PPFIA3: variants seen among roughly 807,000 people sequenced by gnomAD.
PPFIA3 encodes PPFI scaffold protein A3, also known as liprin-alpha-3.
In PPFIA3, 26 loss-of-function variants were observed where a neutral mutation model predicts 145.8. The ratio of observed to expected loss-of-function variants is 0.18; its 90% CI spans 0.13 to 0.25. PPFIA3 has a LOEUF of 0.25. PPFIA3 is among the 10% of genes least tolerant of loss of function. The pLI is 1.00. For missense variants in PPFIA3, 1,008 were observed against 1,587.8 expected (o/e 0.63, Z 6.21); for synonymous variants, 645 against 661.4 (o/e 0.98, Z 0.38).
At chr19:49,131,028 ATTTTTT>A (rs33934210) in intron 7 of PPFIA3, among the ~76,000 whole-genome samples, 1 of 134,360 alleles carries the variant, frequency 7.4e-6, no homozygotes, top group African/African-American at 2.8e-5. Context: ...TGCACCGCTA[ATTTTTT>A]TTTTTTTTTT....
At chr19:49,138,663 CT>C (rs2041171477) in intron 16 of PPFIA3, among the ~76,000 whole-genome samples, 1 of 151,380 alleles carries the variant, frequency 6.6e-6, no homozygotes, top group Non-Finnish European at 1.5e-5. Context: ...CGTCAAGTTT[CT>C]GCATAGGATT....
At position 49,120,232 on chromosome 19, in the gene PPFIA3, C is replaced by G. The variant is rs1008161777; in HGVS notation, c.-16+510C>G. On this transcript the variant is annotated intron_variant, in intron 1 of 29. Coordinates refer to ENST00000334186, the MANE Select transcript of PPFIA3 (RefSeq NM_003660.4). The surrounding 1 kb of genome is among the most constrained non-coding windows in gnomAD (Gnocchi z 4.6). The stretch of plus-strand genomic sequence containing the variant: ...CGCGCTCGGCAGCCTCGCCTCCCCC[C>G]ACCTCCTGCCGCCGCCACCAGGGAG... 6.6e-6 allele frequency among the ~76,000 whole-genome samples: 1 copy of G among 152,080 alleles called. No individual in the cohort carries two copies. The highest frequency in any genetic ancestry group is 2.4e-5 in the African/African-American group (1 of 41,420).
rs1037576734 is a variant in PPFIA3, at chr19:49,130,713, T to G, written c.879+114T>G. The G allele has an allele frequency of 4.5e-6, 4 of 881,210 alleles. No individual in the cohort carries two copies. The highest frequency in any genetic ancestry group is 5.1e-6 in the Non-Finnish European group (3 of 589,076). 54.6% of individuals were successfully genotyped at this position (881,210 alleles called of 1,614,324 possible). The stretch of plus-strand genomic sequence containing the variant: ...CGATTCAGTCCACAGGCTGGGTGAC[T>G]CCTCTTTGAGATTCAGTTTTCCCAC... On this transcript the variant is annotated intron_variant, in intron 7 of 29. Transcript: ENST00000334186. The surrounding 1 kb of genome is among the most constrained non-coding windows in gnomAD (Gnocchi z 4.5).
chr19:49,150,273 G>T lies in PPFIA3; in HGVS notation c.*51G>T. On this transcript the variant is annotated 3_prime_UTR_variant, in exon 30 of 30. Coordinates refer to ENST00000334186, the MANE Select transcript of PPFIA3 (RefSeq NM_003660.4). ...GGACGGAAGAATCTTCCCGAGGCTG[G>T]GCTGTTCCCTCTCCTGCCCGGACTG... 1 of 974,124 alleles carries T rather than the reference G, an allele frequency of 1.0e-6. No individual in the cohort carries two copies. The highest frequency in any genetic ancestry group is 1.5e-6 in the Non-Finnish European group (1 of 663,954). 60.3% of individuals were successfully genotyped at this position (974,124 alleles called of 1,614,324 possible). A position where few individuals can be genotyped will look rare whatever the true frequency, so the allele number is the denominator to read the frequency against.
rs2041045710 is a variant in PPFIA3 at position 49,129,686 on chromosome 19, C to G, written c.582+232C>G. Among the ~76,000 whole-genome samples, 3 of 152,126 alleles carry G rather than the reference C, an allele frequency of 2.0e-5. 1 individual carries two copies. In the South Asian group the frequency reaches 6.2e-4, roughly 31 times the overall value. On this transcript the variant is annotated intron_variant, in intron 5 of 29. Transcript: ENST00000334186. ...GTGAGAGTGAGATTAAGGGTAGAAC[C>G]AGGGGCTGGGGCTCAGGCTGGGACT...
At chr19:49,148,467 C>T in intron 24 of PPFIA3, 199 bp from the exon 25 acceptor site, 1 of 746,528 alleles carries the variant, frequency 1.3e-6, no homozygotes, top group Non-Finnish European at 2.1e-6. Flanking sequence ...CTAGTTAACC[C>T]TGGACCCCTT....
intron 16 of PPFIA3, 37 bp downstream of exon 16, chr19:49,138,464 ATGGGGAGAGGTCAGAG>A: frequency 1.0e-5 from 15 of 1,456,366 alleles, no homozygotes; most frequent in Non-Finnish European, 1.4e-5. Flanking sequence ...TAGTAGGGGG[ATGGGGAGAGGTCAGAG>A]GCAGGGCTCC....
chr19:49,137,659 G>A (rs1425793558), intron 15 of PPFIA3, among the ~76,000 whole-genome samples: 195 of 54,388 alleles, frequency 3.6e-3, no homozygotes, highest in Non-Finnish European at 5.5e-3. Context: ...AAAAAAAAAA[G>A]TCCCCAACTT....
chr19:49,130,092 G>A lies in PPFIA3; in HGVS notation c.657+25G>A, dbSNP rs750191261. ...GGTGAGACATGGAAGTCCCCTCTCC[G>A]TGAGCTCCATTCAACTCCCTGACTT... On this transcript the variant is annotated intron_variant, in intron 6 of 29. Transcript: ENST00000334186. The surrounding 1 kb of genome is among the most constrained non-coding windows in gnomAD (Gnocchi z 4.5). 3 of 1,599,340 alleles carry A rather than the reference G, an allele frequency of 1.9e-6. No homozygotes were observed. Among genetic ancestry groups the A allele is most frequent in the East Asian group, 2.2e-5 (1 of 44,732 alleles).
intron 18 of PPFIA3, 101 bp from the exon 19 acceptor site, chr19:49,141,319 C>A: frequency 1.2e-6 from 1 of 841,800 alleles, no homozygotes; most frequent in Non-Finnish European, 2.0e-6. Flanking sequence ...ACTACTCCCT[C>A]AGGGCCTCTG....
At position 49,120,817 on chromosome 19, in the gene PPFIA3, C is replaced by G. The variant is rs996032400; in HGVS notation, c.-16+1095C>G. Among the ~76,000 whole-genome samples the G allele has an allele frequency of 6.6e-6, 1 of 152,198 alleles. No homozygotes were observed. The highest frequency in any genetic ancestry group is 1.5e-5 in the Non-Finnish European group (1 of 68,038). ...AGGAGTTCAGACCCCAGCTTCCGTACTGCCCACCAGCTTTTACTGAGGCTG... is the reference window on the plus strand; with the variant it reads ...AGGAGTTCAGACCCCAGCTTCCGTAGTGCCCACCAGCTTTTACTGAGGCTG... On this transcript the variant is annotated intron_variant, in intron 1 of 29. Coordinates refer to ENST00000334186, the MANE Select transcript of PPFIA3 (RefSeq NM_003660.4). The surrounding 1 kb of genome is among the most constrained non-coding windows in gnomAD (Gnocchi z 4.6).
chr19:49,146,543 ACCAGGG>A, intron 23 of PPFIA3: 1 of 344,194 alleles, frequency 2.9e-6, no homozygotes, highest in Non-Finnish European at 5.4e-6. Flanking sequence ...TGCTCAGTGT[ACCAGGG>A]CCAAGGAGGA....
intron 25 of PPFIA3, 98 bp from the exon 26 acceptor site, chr19:49,148,895 G>A: frequency 6.4e-7 from 1 of 1,572,216 alleles, no homozygotes; most frequent in Non-Finnish European, 8.7e-7. Flanking sequence ...AGCGTGGGGG[G>A]CGTGGCCCGA....
Position 49,149,126 on chromosome 19 carries a change from C to T in PPFIA3, c.3243C>T (p.Ser1081=), listed in dbSNP as rs1568442811. 1 of 1,614,150 alleles carries T rather than the reference C, an allele frequency of 6.2e-7. No individual in the cohort carries two copies. Among genetic ancestry groups the T allele is most frequent in the Non-Finnish European group, 8.5e-7 (1 of 1,180,022 alleles). ...LLALDETFDY[S]DLALLLQIPT... The stretch of plus-strand genomic sequence containing the variant: ...CCCTGGACGAGACCTTCGACTACTC[C>T]GACCTGGCCTTGCTCCTGCAGATCC... Residue 1081 remains serine, a synonymous_variant, in exon 26 of 30, where the codon TCC becomes TCT. Coordinates refer to ENST00000334186, the MANE Select transcript of PPFIA3 (RefSeq NM_003660.4). The surrounding 1 kb of genome is among the most constrained non-coding windows in gnomAD (Gnocchi z 5.7).
At position 49,129,374 on chromosome 19, in the gene PPFIA3, C is replaced by T; in HGVS notation, c.508-6C>T. 1 of 1,549,750 alleles carries T rather than the reference C, an allele frequency of 6.5e-7. No homozygotes were observed. ...CAGCTGACTGTTGCCCTGCCCCGATCCCCAGGTCCGGGAGCGGCTGCGGAT... is the reference window on the plus strand; with the variant it reads ...CAGCTGACTGTTGCCCTGCCCCGATTCCCAGGTCCGGGAGCGGCTGCGGAT... On this transcript the variant is annotated splice_region_variant and splice_polypyrimidine_tract_variant and intron_variant, in intron 4 of 29. Coordinates refer to ENST00000334186, the MANE Select transcript of PPFIA3 (RefSeq NM_003660.4).
rs2041164629 is a variant in PPFIA3 at position 49,138,185 on chromosome 19, T to C, written c.1854-20T>C. The C allele has an allele frequency of 6.5e-7, 1 of 1,548,126 alleles. No individual in the cohort carries two copies. Among genetic ancestry groups the C allele is most frequent in the Non-Finnish European group, 8.8e-7 (1 of 1,137,324 alleles). On this transcript the variant is annotated intron_variant, in intron 15 of 29. Coordinates refer to ENST00000334186, the MANE Select transcript of PPFIA3 (RefSeq NM_003660.4). ...GTCTGCTGCGGCCCCTCACCCAGTT[T>C]CCCCTATTTCCCTCCTCAGGCTGAT... is the stretch of plus-strand genomic sequence containing the variant.
chr19:49,136,528 G>A (rs1357229900), intron 14 of PPFIA3, among the ~76,000 whole-genome samples, 196 bp from the exon 15 acceptor site: 2 of 152,146 alleles, frequency 1.3e-5, no homozygotes, highest in African/African-American at 4.8e-5. Flanking sequence ...GGCGTAACCC[G>A]AGATTGCGCC....
intron 23 of PPFIA3, among the ~76,000 whole-genome samples, chr19:49,146,681 G>C (rs183927428): frequency 1.3e-5 from 2 of 152,296 alleles, no homozygotes; most frequent in East Asian, 3.9e-4. Flanking sequence ...TGTAATTCCA[G>C]CACTTTAGGA....
intron 14 of PPFIA3, among the ~76,000 whole-genome samples, chr19:49,136,359 C>T (rs1356182617): frequency 3.9e-5 from 6 of 152,106 alleles, no homozygotes; most frequent in African/African-American, 4.8e-5. Context: ...CACTTGCTGG[C>T]GCCGAGGCAG....
Sources: allele counts gnomAD v4.1 joint callset (sites outside exome capture counted in the v4.1 genomes callset), GRCh38; gene constraint gnomAD v4.1.1; non-coding constraint Gnocchi (gnomAD v3.1); transcripts MANE v1.5; gene names NCBI Gene and HGNC (gene_info 2026-07-23, HGNC 2026-07-21).